MTFR1: variants seen among roughly 807,000 people sequenced by gnomAD.
MTFR1 encodes the protein mitochondrial fission regulator 1.
In MTFR1, 28 loss-of-function variants were observed where a neutral mutation model predicts 38.8. The observed-to-expected ratio is 0.72, with a 90% CI of 0.53 to 0.99. MTFR1 has a LOEUF of 0.99. Among genes scored for constraint, MTFR1 ranks in the 50% least tolerant of loss-of-function variants. MTFR1 has a pLI of 0.00. For synonymous variants in MTFR1, 145 were observed against 137.0 expected, an observed-to-expected ratio of 1.06 and a Z score of -0.41; for missense variants, 358 against 395.5, an observed-to-expected ratio of 0.91 and a Z score of 0.81.
chr8:65,688,896 G>A (rs1424248771), intron 3 of MTFR1, among the ~76,000 whole-genome samples: 3 of 152,062 alleles, frequency 2.0e-5, no homozygotes, highest in Admixed American at 6.6e-5. Context: ...TGTAATCCCA[G>A]CACTTTGGGA....
At chr8:65,740,643 G>A (rs563414902) in intron 3 of MTFR1, among the ~76,000 whole-genome samples, 9 of 152,066 alleles carry the variant, frequency 5.9e-5, no homozygotes, top group Middle Eastern at 6.8e-3. Context: ...CTTGTGATCC[G>A]CCCGCCTCGG....
At position 65,682,336 on chromosome 8, in the gene MTFR1, T is replaced by A. The variant is rs762816760; in HGVS notation, c.67-17T>A. On this transcript the variant is annotated splice_polypyrimidine_tract_variant and intron_variant, in intron 2 of 7. Coordinates refer to ENST00000262146, the MANE Select transcript of MTFR1 (RefSeq NM_014637.4). ...TACATCTTGTAATTAAGCTTTCGGT[T>A]TTTCCTACTTCCTCAGGTACTTTGG... 2 of 1,441,174 alleles carry A rather than the reference T, an allele frequency of 1.4e-6. No individual in the cohort carries two copies. The highest frequency in any genetic ancestry group is 1.9e-6 in the Non-Finnish European group (2 of 1,058,464). The allele number at this position is 1,441,174 out of a possible 1,614,324, so 89.3% of individuals were successfully genotyped here.
At chr8:65,765,305 C>T (rs1808716168) in intron 3 of MTFR1, among the ~76,000 whole-genome samples, 1 of 150,800 alleles carries the variant, frequency 6.6e-6, no homozygotes, top group Non-Finnish European at 1.5e-5. Context: ...CCGGCTAAAA[C>T]GGTGAAACCC....
At chr8:65,656,214 CA>C (rs1179252685) in intron 1 of MTFR1, among the ~76,000 whole-genome samples, 3 of 150,950 alleles carry the variant, frequency 2.0e-5, no homozygotes, top group African/African-American at 7.3e-5. Flanking sequence ...CAAAACAAAA[CA>C]AAAACAAACA....
chr8:65,760,289 G>A (rs745406954), intron 3 of MTFR1, among the ~76,000 whole-genome samples: 6 of 152,148 alleles, frequency 3.9e-5, no homozygotes, highest in Non-Finnish European at 8.8e-5. Flanking sequence ...ATAAATATAT[G>A]TAACATCACT....
intron 3 of MTFR1, among the ~76,000 whole-genome samples, chr8:65,747,403 C>CT (rs1807723975): frequency 6.6e-6 from 1 of 152,092 alleles, no homozygotes. Flanking sequence ...TATTGATCTC[C>CT]TTGTTACGTA....
At chr8:65,661,807 T>C (rs114502730) in intron 1 of MTFR1, among the ~76,000 whole-genome samples, 2,410 of 151,802 alleles carry the variant, frequency 0.016, 73 homozygotes, top group African/African-American at 0.054. Context: ...TTACTAAAAA[T>C]ATCAAAATTA....
In MTFR1 at chr8:65,689,590, G is replaced by A. The variant is rs1196689869; in HGVS notation, c.166-4054G>A. ...GCTGTAGTAGGACAGGACCTTGCTG[G>A]GAACCTTCAGTAAGTTGTCCTTTTC... On this transcript the variant is annotated intron_variant, in intron 3 of 7. Coordinates refer to ENST00000262146, the MANE Select transcript of MTFR1 (RefSeq NM_014637.4). 3 of 1,274,324 alleles carry A rather than the reference G, an allele frequency of 2.4e-6. No homozygotes were observed. The African/African-American group carries it at 4.6e-5, about 20-fold the overall frequency. 78.9% of individuals were successfully genotyped at this position (1,274,324 alleles called of 1,614,324 possible).
chr8:65,644,172 A>C (rs1189819478), upstream of MTFR1, among the ~76,000 whole-genome samples: 1 of 152,228 alleles, frequency 6.6e-6, no homozygotes, highest in Non-Finnish European at 1.5e-5. Flanking sequence ...TCAAATCTTT[A>C]GAAAGCACGT....
intron 2 of MTFR1, chr8:65,682,146 T>C (rs1804913870): frequency 1.6e-5 from 4 of 243,516 alleles, no homozygotes; most frequent in Admixed American, 1.1e-4. Flanking sequence ...CATTAAACTT[T>C]ATTGAATTAA....
chr8:65,739,408 G>A (rs1807301731), intron 3 of MTFR1: 5 of 1,351,096 alleles, frequency 3.7e-6, no homozygotes, highest in Non-Finnish European at 3.9e-6. Context: ...GTTTGTTATA[G>A]AGCAATAGCT....
downstream of MTFR1, among the ~76,000 whole-genome samples, chr8:65,771,602 G>A (rs953522987): frequency 1.3e-5 from 2 of 152,212 alleles, no homozygotes; most frequent in Middle Eastern, 3.4e-3. Context: ...AGTGGCTCAC[G>A]CGGTGGCTCA....
intron 1 of MTFR1, among the ~76,000 whole-genome samples, chr8:65,667,681 G>A (rs1804426255): frequency 6.6e-6 from 1 of 152,056 alleles, no homozygotes; most frequent in African/African-American, 2.4e-5. Context: ...TCCTGCCTTG[G>A]CCTCCAGAGT....
rs191614396 is a variant in MTFR1 at position 65,693,844 on chromosome 8, C to T, written c.281+85C>T. On this transcript the variant is annotated intron_variant, in intron 4 of 7. Transcript: ENST00000262146. ...TATTTGCAGTACTTATTTTTAATAG[C>T]CTAATTTTATCTCTAGTAATGCACC... The T allele has an allele frequency of 9.0e-6, 9 of 999,348 alleles. No individual in the cohort carries two copies. The Admixed American group carries it at 1.9e-4, about 21-fold the overall frequency. The allele number at this position is 999,348 out of a possible 1,614,324, so 61.9% of individuals were successfully genotyped here. A position where few individuals can be genotyped will look rare whatever the true frequency, so the allele number is the denominator to read the frequency against.
chr8:65,734,809 G>C, intron 3 of MTFR1: 1 of 1,596,520 alleles, frequency 6.3e-7, no homozygotes, highest in Non-Finnish European at 8.6e-7. Context: ...GTTCCTTTAA[G>C]TAACAGTGCA....
chr8:65,751,524 T>C (rs1384285380), intron 3 of MTFR1, among the ~76,000 whole-genome samples: 1 of 152,116 alleles, frequency 6.6e-6, no homozygotes, highest in Non-Finnish European at 1.5e-5. Flanking sequence ...CCATTCTTGT[T>C]GTTCATTCTT....
At chr8:65,703,346 G>A in intron 4 of MTFR1, among the ~76,000 whole-genome samples, 1 of 146,764 alleles carries the variant, frequency 6.8e-6, no homozygotes, top group East Asian at 2.0e-4. Flanking sequence ...GCGAGATCCT[G>A]TCTCAAAAAG....
intron 3 of MTFR1, among the ~76,000 whole-genome samples, chr8:65,764,999 A>G (rs1378881158): frequency 6.6e-6 from 1 of 152,242 alleles, no homozygotes; most frequent in East Asian, 1.9e-4. Flanking sequence ...ATACACAGCC[A>G]TAGTCAATTC....
rs141385470 is a variant in MTFR1 at position 65,770,285 on chromosome 8, T to C, written c.*49-662T>C. On this transcript the variant is annotated intron_variant, in intron 3 of 3. Transcript: ENST00000521247. The stretch of plus-strand genomic sequence containing the variant: ...GACATACCTGAGACTGGGTAATTTA[T>C]AAAGAAAAAGAGGTTTGATGGACTC... Among the ~76,000 whole-genome samples, 43 of 152,166 alleles carry C rather than the reference T, an allele frequency of 2.8e-4. 1 individual carries two copies. The highest frequency in any genetic ancestry group is 1.2e-3 in the Admixed American group (18 of 15,288).
Sources: allele counts gnomAD v4.1 joint callset (sites outside exome capture counted in the v4.1 genomes callset), GRCh38; gene constraint gnomAD v4.1.1; transcripts MANE v1.5; gene names NCBI Gene and HGNC (gene_info 2026-07-23, HGNC 2026-07-21).